CPNE4: variants seen among roughly 807,000 people sequenced by gnomAD.
The protein encoded by CPNE4 is copine-4.
CPNE4 carries 25 observed loss-of-function variants against 67.9 expected under a neutral mutation model. The ratio of observed to expected loss-of-function variants is 0.37; its 90% CI spans 0.27 to 0.51. The LOEUF (loss-of-function observed/expected upper bound fraction) is 0.51, where lower values mean the gene tolerates loss of function less well. Among genes scored for constraint, CPNE4 ranks in the 20% least tolerant of loss-of-function variants. CPNE4 has a pLI of 0.93. For synonymous variants in CPNE4, 242 were observed against 244.9 expected (o/e 0.99, Z 0.11); for missense variants, 464 against 690.8 (o/e 0.67, Z 3.68).
chr3:131,867,565 T>A lies in CPNE4; in HGVS notation c.180+37699A>T, dbSNP rs61162787. On this transcript the variant is annotated intron_variant, in intron 2 of 15. Transcript: ENST00000429747. The stretch of plus-strand genomic sequence containing the variant: ...AGAGGTCAATTCGTCCAGCCCTCCA[T>A]GCAAATGCCAGTCCCTTGTGTTCTC... 4.3e-3 allele frequency among the ~76,000 whole-genome samples: 656 copies of A among 152,236 alleles called. 4 individuals carry two copies. Among genetic ancestry groups the A allele is most frequent in the African/African-American group, 0.015 (631 of 41,550 alleles).
intron 7 of CPNE4, among the ~76,000 whole-genome samples, chr3:131,590,929 G>T (rs1938487418): frequency 1.3e-5 from 2 of 152,274 alleles, no homozygotes; most frequent in African/African-American, 2.4e-5. Context: ...TTAATTCAAG[G>T]TAGGATGAAG....
At chr3:131,559,609 T>G (rs867639494) in intron 11 of CPNE4, among the ~76,000 whole-genome samples, 14 of 152,004 alleles carry the variant, frequency 9.2e-5, no homozygotes, top group African/African-American at 3.1e-4. Context: ...TTTTAGAAAC[T>G]AAAAAGTTTT....
chr3:131,541,915 C>A (rs1328039974), intron 15 of CPNE4, among the ~76,000 whole-genome samples: 1 of 152,176 alleles, frequency 6.6e-6, no homozygotes, highest in African/African-American at 2.4e-5. Context: ...AGGCGATACA[C>A]CCACCTTGGC....
intron 3 of CPNE4, among the ~76,000 whole-genome samples, chr3:131,710,702 G>T (rs1168262008): frequency 6.6e-6 from 1 of 152,154 alleles, no homozygotes; most frequent in Admixed American, 6.5e-5. Flanking sequence ...TAATATCTGA[G>T]ATATAACAAG....
At chr3:132,013,179 C>T (rs35317635) in intron 1 of CPNE4, among the ~76,000 whole-genome samples, 28,923 of 152,112 alleles carry the variant, frequency 0.19, 2,798 homozygotes, top group African/African-American at 0.2. Flanking sequence ...ACCAAGATCA[C>T]GCCATTGCAC....
chr3:131,971,409 T>C (rs1444264400), intron 1 of CPNE4, among the ~76,000 whole-genome samples: 1 of 152,128 alleles, frequency 6.6e-6, no homozygotes, highest in Non-Finnish European at 1.5e-5. Context: ...CAGCAAACAT[T>C]TGGAACTATC....
intron 15 of CPNE4, among the ~76,000 whole-genome samples, chr3:131,536,077 A>T (rs1426189937): frequency 6.6e-6 from 1 of 152,110 alleles, no homozygotes. Context: ...GAGCTGAAGG[A>T]AGTGTGTATG....
chr3:131,922,945 A>T (rs576323772), intron 1 of CPNE4, among the ~76,000 whole-genome samples: 7 of 152,314 alleles, frequency 4.6e-5, no homozygotes, highest in African/African-American at 1.7e-4. Context: ...TGATTTAAAG[A>T]TAAATAATTA....
intron 7 of CPNE4, among the ~76,000 whole-genome samples, chr3:131,605,286 C>A (rs746136731): frequency 9.2e-5 from 14 of 151,916 alleles, no homozygotes; most frequent in Non-Finnish European, 1.9e-4. Flanking sequence ...ATAATTTTAA[C>A]TTTTATTTTA....
At chr3:131,886,705 G>A (rs1433059442) in intron 2 of CPNE4, among the ~76,000 whole-genome samples, 1 of 134,712 alleles carries the variant, frequency 7.4e-6, no homozygotes, top group Non-Finnish European at 1.7e-5. Flanking sequence ...GTGTGACCTG[G>A]ATGTAACATG....
chr3:131,939,518 G>A (rs2071327475), intron 1 of CPNE4, among the ~76,000 whole-genome samples: 1 of 93,832 alleles, frequency 1.1e-5, no homozygotes, highest in Non-Finnish European at 2.1e-5. Context: ...CTGGGTGGAT[G>A]TGTAGGGTGG....
chr3:131,913,242 A>T (rs962573154), intron 1 of CPNE4, among the ~76,000 whole-genome samples: 1 of 152,184 alleles, frequency 6.6e-6, no homozygotes, highest in Non-Finnish European at 1.5e-5. Flanking sequence ...GGCAGTCTCC[A>T]TAGATAAAAA....
At chr3:131,678,066 T>A (rs1210694275) in intron 6 of CPNE4, among the ~76,000 whole-genome samples, 3 of 152,228 alleles carry the variant, frequency 2.0e-5, no homozygotes, top group Admixed American at 6.5e-5. Flanking sequence ...TGCATGAGCA[T>A]GGAATAATTT....
intron 2 of CPNE4, among the ~76,000 whole-genome samples, chr3:131,746,450 G>A (rs2082491529): frequency 6.6e-6 from 1 of 151,850 alleles, no homozygotes; most frequent in Admixed American, 6.6e-5. Flanking sequence ...CCATCCTCTG[G>A]TAGCTACAAT....
intron 3 of CPNE4, among the ~76,000 whole-genome samples, chr3:131,717,875 T>TTTCTTTCTCC (rs1560172551): frequency 7.0e-5 from 2 of 28,376 alleles, no homozygotes; most frequent in African/African-American, 4.1e-4. Context: ...CTTTCTTTCT[T>TTTCTTTCTCC]TTCTTTCTTT....
chr3:131,542,872 C>G (rs1935586476), intron 14 of CPNE4, 79 bp from the exon 15 acceptor site: 1 of 989,800 alleles, frequency 1.0e-6, no homozygotes, highest in African/African-American at 1.6e-5. Flanking sequence ...CAGTTAGACA[C>G]CCAGGTGGCC....
At chr3:131,746,603 T>G (rs1360832767) in intron 2 of CPNE4, among the ~76,000 whole-genome samples, 1 of 152,152 alleles carries the variant, frequency 6.6e-6, no homozygotes, top group Non-Finnish European at 1.5e-5. Context: ...TGACAGAAAT[T>G]CATTCTTTTT....
chr3:131,685,623 A>T (rs2080870483), intron 6 of CPNE4, among the ~76,000 whole-genome samples: 1 of 152,096 alleles, frequency 6.6e-6, no homozygotes, highest in Non-Finnish European at 1.5e-5. Flanking sequence ...CTCTACTAAA[A>T]ATACAAAAAT....
intron 2 of CPNE4, among the ~76,000 whole-genome samples, chr3:131,792,732 CGTGTGTATAT>C: frequency 1.3e-5 from 1 of 78,886 alleles, no homozygotes; most frequent in South Asian, 4.6e-4. Flanking sequence ...TATATATACA[CGTGTGTATAT>C]ATGTATATAT....
Sources: gnomAD v4.1 joint callset for allele counts (sites outside exome capture counted in the v4.1 genomes callset) on GRCh38, gnomAD v4.1.1 for gene constraint, MANE v1.5 for transcripts, NCBI Gene and HGNC (gene_info 2026-07-23, HGNC 2026-07-21) for gene names.